CYP20A1: variants seen among roughly 807,000 people sequenced by gnomAD.
CYP20A1 encodes cytochrome P450 20A1.
In CYP20A1, 61 loss-of-function variants were observed where a neutral mutation model predicts 61.4. The ratio of observed to expected loss-of-function variants is 0.99; its 90% CI spans 0.81 to 1.23. The LOEUF (loss-of-function observed/expected upper bound fraction) is 1.23. Among genes scored for constraint, CYP20A1 ranks in the 50% most tolerant of loss-of-function variants. CYP20A1 has a pLI of 0.00. For missense variants in CYP20A1, 530 were observed against 542.4 expected, an observed-to-expected ratio of 0.98 and a Z score of 0.23; for synonymous variants, 193 against 188.2, an observed-to-expected ratio of 1.03 and a Z score of -0.21.
intron 7 of CYP20A1, 106 bp from the exon 8 acceptor site, chr2:203,279,952 CT>C (rs889041578): frequency 5.0e-4 from 328 of 655,900 alleles, no homozygotes; most frequent in South Asian, 9.6e-4. Context: ...AAATAATATA[CT>C]TTTTTTTTCA....
intron 4 of CYP20A1, among the ~76,000 whole-genome samples, chr2:203,258,003 G>GTGCAGTGGCA: frequency 6.6e-6 from 1 of 151,448 alleles, no homozygotes; most frequent in Non-Finnish European, 1.5e-5. Flanking sequence ...CTGGGCTGAA[G>GTGCAGTGGCA]GGATCCTCCT....
Position 203,254,072 on chromosome 2 carries a change from G to A in CYP20A1, c.432+1963G>A, listed in dbSNP as rs1338588887. Among the ~76,000 whole-genome samples the A allele has an allele frequency of 1.3e-4, 20 of 150,458 alleles. 1 individual carries two copies. The highest frequency in any genetic ancestry group is 1.3e-3 in the Admixed American group (19 of 14,990). ...AAGCAATTCTCTGCCTCAGCCTCCC[G>A]AGTAGCTGGGATTACAGGCGCCTGC... On this transcript the variant is annotated intron_variant, in intron 4 of 12. Coordinates refer to ENST00000356079, the MANE Select transcript of CYP20A1 (RefSeq NM_177538.3).
At chr2:203,266,467 T>G (rs2152075128) in intron 4 of CYP20A1, 47 bp from the exon 5 acceptor site, 2 of 1,544,770 alleles carry the variant, frequency 1.3e-6, no homozygotes, top group East Asian at 4.5e-5. Flanking sequence ...TTTCTGAGAT[T>G]TAGAAAGAAG....
At position 203,246,879 on chromosome 2, in the gene CYP20A1, A is replaced by G. The variant is rs558756291; in HGVS notation, c.247A>G (p.Thr83Ala). The change falls in exon 3 of 13, where the codon ACT (threonine) becomes GCT (alanine). Residue 83 changes from threonine to alanine, a missense_variant. Thr to Ala is a moderately conservative substitution (Grantham distance 58). Coordinates refer to ENST00000356079, the MANE Select transcript of CYP20A1 (RefSeq NM_177538.3). ...FGRRLVVSLG[T>A]VDVLKQHINP... Reference sequence around the variant, plus strand: ...CAGGCGCCTCGTGGTTAGTTTGGGCACTGTTGATGTACTGAAGCAGCATAT... The same window carrying G: ...CAGGCGCCTCGTGGTTAGTTTGGGCGCTGTTGATGTACTGAAGCAGCATAT... 1.2e-6 allele frequency: 2 copies of G among 1,614,152 alleles called. No individual in the cohort carries two copies. The highest frequency in any genetic ancestry group is 1.1e-5 in the South Asian group (1 of 91,076).
Position 203,280,092 on chromosome 2 carries a change from A to C in CYP20A1, c.829A>C (p.Ser277Arg), listed in dbSNP as rs1249140104. ...LEDSMIFSLA[S>R]CIITAKLCTW... is the part of the protein sequence containing the mutation. ...AGACAGTATGATATTTTCTCTGGCC[A>C]GTTGCATAATAACTGCAAAATGTAA... The change falls in exon 8 of 13, where the codon AGT becomes CGT. Residue 277 changes from serine to arginine, a missense_variant. Ser to Arg is a moderately radical substitution (Grantham distance 110). Coordinates refer to ENST00000356079, the MANE Select transcript of CYP20A1 (RefSeq NM_177538.3). 1.2e-6 allele frequency: 2 copies of C among 1,607,528 alleles called. No individual in the cohort carries two copies. Among genetic ancestry groups the C allele is most frequent in the East Asian group, 2.2e-5 (1 of 44,796 alleles).
intron 5 of CYP20A1, among the ~76,000 whole-genome samples, chr2:203,272,229 T>G (rs2067631258): frequency 6.6e-6 from 1 of 152,100 alleles, no homozygotes; most frequent in South Asian, 2.1e-4. Context: ...GAGGGAGAGC[T>G]TAATTATTAG....
rs985107084 is a variant in CYP20A1, at chr2:203,305,659, T to C, written c.*8751T>C. The C allele has an allele frequency of 9.2e-5, 14 of 152,232 alleles. 1 individual carries two copies. Among genetic ancestry groups the C allele is most frequent in the African/African-American group, 3.4e-4 (14 of 41,456 alleles). 9.4% of individuals were successfully genotyped at this position (152,232 alleles called of 1,614,324 possible). On this transcript the variant is annotated 3_prime_UTR_variant, in exon 13 of 13. Coordinates refer to ENST00000356079, the MANE Select transcript of CYP20A1 (RefSeq NM_177538.3). Reference sequence around the variant, plus strand: ...TATTTATCTACATCTAAAATACTTATTTTAATTTTAAACACTTGATGGTAT... The same window carrying C: ...TATTTATCTACATCTAAAATACTTACTTTAATTTTAAACACTTGATGGTAT...
intron 1 of CYP20A1, 149 bp from the exon 2 acceptor site, chr2:203,245,697 C>G: frequency 2.0e-6 from 1 of 503,650 alleles, no homozygotes; most frequent in African/African-American, 2.0e-5. Context: ...TGCAAAGAAC[C>G]CCTTTTTTTG....
intron 6 of CYP20A1, among the ~76,000 whole-genome samples, chr2:203,275,426 T>G (rs2067775234): frequency 6.6e-6 from 1 of 152,092 alleles, no homozygotes; most frequent in African/African-American, 2.4e-5. Flanking sequence ...ATTTCTTATT[T>G]TCTTTTCTTT....
chr2:203,243,212 C>T (rs537171256), intron 1 of CYP20A1, among the ~76,000 whole-genome samples: 1 of 152,032 alleles, frequency 6.6e-6, no homozygotes, highest in East Asian at 1.9e-4. Context: ...GGTGTGGTCT[C>T]GGCTCACTGC....
chr2:203,287,665 T>C (rs1334667082), intron 9 of CYP20A1, among the ~76,000 whole-genome samples: 1 of 151,924 alleles, frequency 6.6e-6, no homozygotes, highest in Admixed American at 6.6e-5. Context: ...AGAGTGTCAC[T>C]GCACTCCAGC....
At chr2:203,261,266 A>G (rs1337506148) in intron 4 of CYP20A1, among the ~76,000 whole-genome samples, 4 of 152,026 alleles carry the variant, frequency 2.6e-5, no homozygotes, top group Admixed American at 6.6e-5. Flanking sequence ...TCTAAAGAAT[A>G]TAGGAATACA....
rs757229081 is a variant in CYP20A1, at chr2:203,305,052, T to C, written c.*8144T>C. Reference sequence around the variant, plus strand: ...TAGATCAATTTTAATATTTGACTTATAGAATTTTATGACACTAAATGGATA... The same window carrying C: ...TAGATCAATTTTAATATTTGACTTACAGAATTTTATGACACTAAATGGATA... On this transcript the variant is annotated 3_prime_UTR_variant, in exon 13 of 13. Coordinates refer to ENST00000356079, the MANE Select transcript of CYP20A1 (RefSeq NM_177538.3). Among the ~76,000 whole-genome samples, 3 of 152,292 alleles carry C rather than the reference T, an allele frequency of 2.0e-5. No individual in the cohort carries two copies. The highest frequency in any genetic ancestry group is 4.1e-4 in the South Asian group (2 of 4,826).
intron 4 of CYP20A1, among the ~76,000 whole-genome samples, chr2:203,258,156 G>A (rs1009287272): frequency 6.6e-6 from 1 of 152,170 alleles, no homozygotes; most frequent in Non-Finnish European, 1.5e-5. Context: ...TCCTGCCTCG[G>A]GCTCCCGAAG....
At chr2:203,280,624 C>T (rs1032363931) in intron 8 of CYP20A1, among the ~76,000 whole-genome samples, 1 of 152,162 alleles carries the variant, frequency 6.6e-6, no homozygotes, top group African/African-American at 2.4e-5. Context: ...TCACTTGAGC[C>T]CAAGAGATTG....
chr2:203,251,888 C>G, intron 3 of CYP20A1, 79 bp from the exon 4 acceptor site: 1 of 1,146,824 alleles, frequency 8.7e-7, no homozygotes, highest in Non-Finnish European at 1.2e-6. Flanking sequence ...TTCTTTACCT[C>G]CCTGATCTCT....
At chr2:203,245,261 C>T (rs1036609022) in intron 1 of CYP20A1, among the ~76,000 whole-genome samples, 2 of 151,762 alleles carry the variant, frequency 1.3e-5, no homozygotes, top group Non-Finnish European at 2.9e-5. Flanking sequence ...ATCCTAACCT[C>T]GTGATCTGCC....
intron 2 of CYP20A1, among the ~76,000 whole-genome samples, chr2:203,246,477 G>A (rs1317352145): frequency 1.3e-5 from 2 of 152,200 alleles, no homozygotes; most frequent in East Asian, 3.8e-4. Flanking sequence ...GGGAAAGTGG[G>A]ATAGCTTTCC....
rs150001999 is a variant in CYP20A1 at position 203,269,041 on chromosome 2, T to C, written c.600+2360T>C. ...ATCTTTCCTTCAGTTGCATATTGTA[T>C]GTCCTAACTGCCCCCTACAAACATT... On this transcript the variant is annotated intron_variant, in intron 5 of 12. Coordinates refer to ENST00000356079, the MANE Select transcript of CYP20A1 (RefSeq NM_177538.3). Among the ~76,000 whole-genome samples, 745 of 152,332 alleles carry C rather than the reference T, an allele frequency of 4.9e-3. 9 individuals are homozygous for C. Among genetic ancestry groups the C allele is most frequent in the African/African-American group, 0.017 (707 of 41,574 alleles).
Sources: allele counts gnomAD v4.1 joint callset (sites outside exome capture counted in the v4.1 genomes callset), GRCh38; gene constraint gnomAD v4.1.1; transcripts MANE v1.5; gene names NCBI Gene and HGNC (gene_info 2026-07-23, HGNC 2026-07-21).